Variants in UNC79 observed in about 807,000 individuals in gnomAD.
UNC79 encodes the protein unc-79 subunit of NALCN channel complex.
Under a neutral mutation model 283.1 loss-of-function variants are expected in UNC79, and 37 were observed. The observed-to-expected ratio is 0.13, with a 90% CI of 0.10 to 0.17. The LOEUF is 0.17. Ranked by LOEUF, UNC79 falls within the 10% of genes least tolerant of loss-of-function variation. The pLI, the probability that UNC79 is intolerant of heterozygous loss-of-function variation, is 1.00. For missense variants in UNC79, 2,272 were observed against 3,211.1 expected, an observed-to-expected ratio of 0.71 and a Z score of 7.07; for synonymous variants, 1,107 against 1,200.2, an observed-to-expected ratio of 0.92 and a Z score of 1.61.
chr14:93,631,035 G>T, intron 31 of UNC79, 127 bp downstream of exon 33: 1 of 866,118 alleles, frequency 1.2e-6, no homozygotes, highest in South Asian at 1.7e-5. Context: ...CTTCCTTGGT[G>T]ATAGTATGTT....
Position 93,394,351 on chromosome 14 carries a change from CTTTTATTTTATTTTATTTTA to C in UNC79, c.-351+60870_-351+60889del, listed in dbSNP as rs58906082. 1.7e-3 allele frequency among the ~76,000 whole-genome samples: 216 copies of C among 124,766 alleles called. 2 individuals carry two copies. Among genetic ancestry groups the C allele is most frequent in the East Asian group, 0.011 (50 of 4,464 alleles). 81.9% of individuals were successfully genotyped at this position (124,766 alleles called of 152,430 possible). A position where few individuals can be genotyped will look rare whatever the true frequency, so the allele number is the denominator to read the frequency against. ...TTTAATTTTTGCTTCATGCAATTGT[CTTTTATTTTATTTTATTTTA>C]TTTTATTTTATTTTATTTTATTTTA... On this transcript the variant is annotated intron_variant, in intron 1 of 49. Coordinates refer to the UNC79 transcript ENST00000256339.
chr14:93,489,739 A>G (rs1164780517), intron 5 of UNC79, among the ~76,000 whole-genome samples: 2 of 152,150 alleles, frequency 1.3e-5, no homozygotes, highest in African/African-American at 4.8e-5. Flanking sequence ...CAGCTTTGCC[A>G]TGTAGGGGTT....
Position 93,653,930 on chromosome 14 carries a change from G to C in UNC79, c.6197-10G>C, listed in dbSNP as rs767522335. On this transcript the variant is annotated splice_polypyrimidine_tract_variant and intron_variant, in intron 36 of 48. Coordinates refer to ENST00000555664, the Ensembl canonical transcript of UNC79. ...CACCCAAACACTAAATCCGATCGTT[G>C]ACTTTCCAGATGGGACTTTTTTACG... is the stretch of plus-strand genomic sequence containing the variant. 12 of 1,614,120 alleles carry C rather than the reference G, an allele frequency of 7.4e-6. No homozygotes were observed. In the East Asian group the frequency reaches 2.7e-4, roughly 36 times the overall value.
exon 19 of UNC79, chr14:93,580,180 G>A: frequency 6.2e-7 from 1 of 1,613,998 alleles, no homozygotes. Context: ...ATCACGATGG[G>A]TTTAGAGCAC....
In UNC79 at chr14:93,505,136, T is replaced by A. The variant is rs551655088; in HGVS notation, c.898+7850T>A. On this transcript the variant is annotated intron_variant, in intron 7 of 48. Coordinates refer to ENST00000555664, the Ensembl canonical transcript of UNC79. Reference sequence around the variant, plus strand: ...GTAAAAAGAACTTCTATTTGGCAGTTGTTTGTGCAGTGTTCTACATGTGTC... The same window carrying A: ...GTAAAAAGAACTTCTATTTGGCAGTAGTTTGTGCAGTGTTCTACATGTGTC... Among the ~76,000 whole-genome samples the A allele has an allele frequency of 8.5e-5, 13 of 152,252 alleles. No homozygotes were observed. In the South Asian group the frequency reaches 2.7e-3, roughly 31 times the overall value.
At position 93,652,189 on chromosome 14, in the gene UNC79, G is replaced by A. The variant is rs190668287; in HGVS notation, c.6084-1553G>A. Among the ~76,000 whole-genome samples, 43 of 152,100 alleles carry A rather than the reference G, an allele frequency of 2.8e-4. No homozygotes were observed. The East Asian group carries it at 7.0e-3, about 25-fold the overall frequency. ...AAGTATTCAATATTTACTATTAATC[G>A]CAGTAGCTATAGGTTTTTTTATAGA... On this transcript the variant is annotated intron_variant, in intron 35 of 48. Coordinates refer to ENST00000555664, the Ensembl canonical transcript of UNC79.
At chr14:93,399,754 G>T (rs1192927775) in intron 1 of UNC79, among the ~76,000 whole-genome samples, 4 of 152,136 alleles carry the variant, frequency 2.6e-5, no homozygotes, top group Non-Finnish European at 4.4e-5. Context: ...GTAGTAGAGG[G>T]TTTATTGTGA....
chr14:93,549,642 C>T (rs1328276084), intron 14 of UNC79, among the ~76,000 whole-genome samples: 1 of 151,970 alleles, frequency 6.6e-6, no homozygotes, highest in Non-Finnish European at 1.5e-5. Flanking sequence ...AGCCTCTGAA[C>T]CAGAATAGAT....
At chr14:93,363,780 G>A (rs1003416516) in intron 1 of UNC79, among the ~76,000 whole-genome samples, 4 of 151,786 alleles carry the variant, frequency 2.6e-5, no homozygotes, top group African/African-American at 9.7e-5. Context: ...GTGCAGTGGT[G>A]CAATCTGGGC....
chr14:93,684,004 C>T (rs1231245074), intron 42 of UNC79, among the ~76,000 whole-genome samples: 1 of 151,970 alleles, frequency 6.6e-6, no homozygotes, highest in Non-Finnish European at 1.5e-5. Flanking sequence ...CCAACAGTTT[C>T]TTCCTGCCCT....
intron 1 of UNC79, among the ~76,000 whole-genome samples, chr14:93,352,488 T>C (rs930770195): frequency 6.6e-6 from 1 of 152,206 alleles, no homozygotes; most frequent in Admixed American, 6.5e-5. Context: ...GCAATAATAC[T>C]GTATGTTGGG....
chr14:93,402,305 GAAAA>G (rs1226529529), intron 1 of UNC79, among the ~76,000 whole-genome samples: 1 of 113,072 alleles, frequency 8.8e-6, no homozygotes, highest in South Asian at 2.8e-4. Context: ...GAAAAGAAAA[GAAAA>G]AAAAAACCAG....
intron 14 of UNC79, among the ~76,000 whole-genome samples, chr14:93,558,843 G>C (rs2062367198): frequency 1.3e-5 from 2 of 151,836 alleles, no homozygotes; most frequent in Admixed American, 1.3e-4. Flanking sequence ...TTCCTTTTCT[G>C]TTTCATGGAA....
At chr14:93,535,978 A>G (rs1173182383) in intron 11 of UNC79, among the ~76,000 whole-genome samples, 3 of 152,126 alleles carry the variant, frequency 2.0e-5, no homozygotes, top group Non-Finnish European at 4.4e-5. Flanking sequence ...CACTTGCAAA[A>G]TCCTGACTGG....
At chr14:93,691,967 C>T in intron 46 of UNC79, 21 bp downstream of exon 49, 1 of 1,612,442 alleles carries the variant, frequency 6.2e-7, no homozygotes, top group South Asian at 1.1e-5. Flanking sequence ...AGACGAGTTT[C>T]CCTTCTGAGA....
chr14:93,391,018 G>C (rs940920229), intron 1 of UNC79, among the ~76,000 whole-genome samples: 1 of 152,144 alleles, frequency 6.6e-6, no homozygotes, highest in Admixed American at 6.5e-5. Context: ...AAACACTTCT[G>C]AAGAAAAGCA....
intron 47 of UNC79, among the ~76,000 whole-genome samples, chr14:93,701,278 T>C (rs1186184570): frequency 6.6e-6 from 1 of 152,226 alleles, no homozygotes; most frequent in African/African-American, 2.4e-5. Flanking sequence ...TTATAGTTTG[T>C]CTGGATTTTT....
chr14:93,404,786 T>G (rs186586339), intron 1 of UNC79, among the ~76,000 whole-genome samples: 2 of 151,412 alleles, frequency 1.3e-5, no homozygotes, highest in Non-Finnish European at 2.9e-5. Context: ...AAAATAAAAT[T>G]TGGCTATTTG....
At chr14:93,519,345 A>G (rs1009429586) in intron 7 of UNC79, among the ~76,000 whole-genome samples, 1 of 151,888 alleles carries the variant, frequency 6.6e-6, no homozygotes, top group Non-Finnish European at 1.5e-5. Context: ...CAATTATGCC[A>G]TAATTGCATA....
Sources: allele counts gnomAD v4.1 joint callset (sites outside exome capture counted in the v4.1 genomes callset), GRCh38; gene constraint gnomAD v4.1.1; transcripts MANE v1.5; gene names NCBI Gene and HGNC (gene_info 2026-07-23, HGNC 2026-07-21).